Variants in ZCCHC14 observed in about 807,000 individuals in gnomAD.
ZCCHC14 encodes the protein zinc finger CCHC domain-containing protein 14.
A neutral mutation model predicts 85.0 loss-of-function variants in ZCCHC14; 16 were observed. The ratio of observed to expected loss-of-function variants is 0.19; its 90% CI spans 0.13 to 0.29. The LOEUF is 0.29. ZCCHC14 is among the 10% of genes least tolerant of loss of function. The probability of loss-of-function intolerance (pLI) is 1.00; values close to 1 mark genes in which losing one functional copy is unlikely to be tolerated. For synonymous variants in ZCCHC14, 775 were observed against 630.7 expected (o/e 1.23, Z -3.43); for missense variants, 1,303 against 1,443.5 (o/e 0.90, Z 1.58).
At position 87,475,684 on chromosome 16, in the gene ZCCHC14, T is replaced by A. The variant is rs1203298073; in HGVS notation, c.571-15553A>T. Among the ~76,000 whole-genome samples the A allele has an allele frequency of 2.0e-5, 3 of 150,684 alleles. No homozygotes were observed. In the South Asian group the frequency reaches 6.3e-4, roughly 32 times the overall value. Reference sequence around the variant, plus strand: ...AAGACTCAGTGAATCTGAAGATGGATCAATAAAAAGTATCCAACCCAAAGA... The same window carrying A: ...AAGACTCAGTGAATCTGAAGATGGAACAATAAAAAGTATCCAACCCAAAGA... On this transcript the variant is annotated intron_variant, in intron 1 of 12. Transcript: ENST00000671377.
At chr16:87,442,212 GC>G (rs967792417) in intron 2 of ZCCHC14, among the ~76,000 whole-genome samples, 2 of 152,160 alleles carry the variant, frequency 1.3e-5, no homozygotes, top group Non-Finnish European at 2.9e-5. Flanking sequence ...GGCAAGCAAT[GC>G]CCCCAAAGGA....
chr16:87,428,117 G>A (rs1344078057), intron 3 of ZCCHC14, among the ~76,000 whole-genome samples: 1 of 152,040 alleles, frequency 6.6e-6, no homozygotes, highest in African/African-American at 2.4e-5. Context: ...CGAGGAACTA[G>A]CGATTATAAT....
At chr16:87,419,687 C>A in intron 6 of ZCCHC14, 96 bp downstream of exon 6, 1 of 1,071,368 alleles carries the variant, frequency 9.3e-7, no homozygotes, top group Non-Finnish European at 1.3e-6. Context: ...CCGCCCGCCT[C>A]AGCCTCCCAA....
intron 1 of ZCCHC14, among the ~76,000 whole-genome samples, chr16:87,466,831 T>C (rs1597444188): frequency 3.3e-5 from 5 of 152,294 alleles, no homozygotes; most frequent in East Asian, 3.9e-4. Flanking sequence ...GAAGTTGTGA[T>C]GGCTTCCACT....
chr16:87,450,032 G>GT (rs1910621183), intron 2 of ZCCHC14, among the ~76,000 whole-genome samples: 1 of 152,216 alleles, frequency 6.6e-6, no homozygotes, highest in Non-Finnish European at 1.5e-5. Flanking sequence ...GGGCAACAGA[G>GT]TAAGACCCTG....
chr16:87,411,826 A>G lies in ZCCHC14; in HGVS notation c.2895T>C (p.Ser965=). The G allele has an allele frequency of 6.2e-7, 1 of 1,611,212 alleles. No homozygotes were observed. The highest frequency in any genetic ancestry group is 8.5e-7 in the Non-Finnish European group (1 of 1,178,942). ...TGACGTAGCCGCTGCTGCACATGGG[A>G]CTGAAGGGCAAGAAGGGGAAGGTGA... ...SVFTFPFLPF[S]PMCSSGYVSA... is the part of the protein sequence containing the mutation. The change falls in exon 12 of 13, where the codon AGT becomes AGC. Residue 965 remains serine (S), a synonymous_variant. Transcript: ENST00000671377.
At chr16:87,445,047 G>C (rs746185812) in intron 2 of ZCCHC14, among the ~76,000 whole-genome samples, 2 of 149,552 alleles carry the variant, frequency 1.3e-5, no homozygotes, top group Non-Finnish European at 3.0e-5. Flanking sequence ...CTATAAATTT[G>C]TGATTTTGTT....
chr16:87,446,734 G>A (rs1910457520), intron 2 of ZCCHC14, among the ~76,000 whole-genome samples: 1 of 151,804 alleles, frequency 6.6e-6, no homozygotes, highest in South Asian at 2.1e-4. Context: ...CTGCCACCCA[G>A]GCTGGAGTGC....
intron 1 of ZCCHC14, chr16:87,470,524 T>C (rs1430510854): frequency 6.6e-6 from 1 of 152,138 alleles, no homozygotes; most frequent in African/African-American, 2.4e-5. Context: ...TGATGAGCTT[T>C]TTTCCCATCT....
intron 3 of ZCCHC14, among the ~76,000 whole-genome samples, chr16:87,427,793 A>G (rs959033660): frequency 4.7e-5 from 6 of 129,024 alleles, no homozygotes; most frequent in Non-Finnish European, 6.7e-5. Flanking sequence ...GAGTGCCACA[A>G]TGACCAACTA....
At chr16:87,433,986 C>T (rs979379364) in intron 2 of ZCCHC14, among the ~76,000 whole-genome samples, 3 of 152,118 alleles carry the variant, frequency 2.0e-5, no homozygotes, top group African/African-American at 7.2e-5. Context: ...TCTGCGAGGG[C>T]AAGGATGAGG....
intron 3 of ZCCHC14, among the ~76,000 whole-genome samples, chr16:87,428,434 C>A (rs1403324452): frequency 6.6e-6 from 1 of 152,198 alleles, no homozygotes; most frequent in African/African-American, 2.4e-5. Context: ...GCTCTGGTCA[C>A]AGTATAATTG....
At chr16:87,465,710 G>A (rs983119681) in intron 1 of ZCCHC14, among the ~76,000 whole-genome samples, 1 of 152,210 alleles carries the variant, frequency 6.6e-6, no homozygotes, top group Non-Finnish European at 1.5e-5. Flanking sequence ...TCCGGGGTGG[G>A]CCTGAGAATC....
intron 1 of ZCCHC14, among the ~76,000 whole-genome samples, chr16:87,467,931 G>A (rs1485992198): frequency 1.3e-5 from 2 of 152,142 alleles, no homozygotes; most frequent in South Asian, 4.1e-4. Flanking sequence ...GATTACAGGC[G>A]TGAGCCACTG....
chr16:87,451,818 G>A lies in ZCCHC14; in HGVS notation c.694+8190C>T, dbSNP rs73240881. Among the ~76,000 whole-genome samples, 1,413 of 152,302 alleles carry A rather than the reference G, an allele frequency of 9.3e-3. 25 individuals are homozygous for A. Among genetic ancestry groups the A allele is most frequent in the African/African-American group, 0.032 (1,326 of 41,560 alleles). On this transcript the variant is annotated intron_variant, in intron 2 of 12. Transcript: ENST00000671377. ...GTCACACAGAGGCAGCAGCTCCCTG[G>A]CTGGTGACACCACAGTGAACACGGA...
intron 4 of ZCCHC14, among the ~76,000 whole-genome samples, chr16:87,422,527 G>C (rs112784664): frequency 0.048 from 7,333 of 151,334 alleles, 207 homozygotes; most frequent in Middle Eastern, 0.14. Flanking sequence ...GAGTTCAAGA[G>C]CAGCCTGGCC....
chr16:87,421,410 T>G (rs1194563224), intron 4 of ZCCHC14, among the ~76,000 whole-genome samples: 1 of 152,136 alleles, frequency 6.6e-6, no homozygotes, highest in Non-Finnish European at 1.5e-5. Flanking sequence ...CCGCTGCTCC[T>G]GGAAGAAGGG....
At chr16:87,485,812 C>G (rs1912491709) in intron 1 of ZCCHC14, among the ~76,000 whole-genome samples, 1 of 152,072 alleles carries the variant, frequency 6.6e-6, no homozygotes, top group African/African-American at 2.4e-5. Context: ...GTTGGAAAAG[C>G]ATGTTAATTC....
Position 87,428,544 on chromosome 16 carries a change from A to AT in ZCCHC14, c.768+4583dup, listed in dbSNP as rs200210317. ...AAAAGGAAAATTTGAATCTTCAAGT[A>AT]TTTTTTTTTAACAAAAGGAGTTGTA... On this transcript the variant is annotated intron_variant, in intron 3 of 12. Transcript: ENST00000671377. Among the ~76,000 whole-genome samples, 68 of 151,654 alleles carry AT rather than the reference A, an allele frequency of 4.5e-4. 1 individual carries two copies. The highest frequency in any genetic ancestry group is 3.4e-3 in the Middle Eastern group (1 of 292).
Sources: gnomAD v4.1 joint callset for allele counts (sites outside exome capture counted in the v4.1 genomes callset) on GRCh38, gnomAD v4.1.1 for gene constraint, MANE v1.5 for transcripts, NCBI Gene and HGNC (gene_info 2026-07-23, HGNC 2026-07-21) for gene names.